The following WDR47 variants were observed in gnomAD, a reference collection of about 807,000 sequenced individuals.
WDR47 encodes the protein WD repeat-containing protein 47.
A neutral mutation model predicts 97.2 loss-of-function variants in WDR47; 32 were observed. That is an observed-to-expected ratio of 0.33 (90% confidence interval 0.25 to 0.44). WDR47 has a LOEUF of 0.44. WDR47 is among the 20% of genes least tolerant of loss of function. The pLI is 1.00. For missense variants in WDR47, 782 were observed against 1,102.3 expected (o/e 0.71, Z 4.11); for synonymous variants, 375 against 373.5 (o/e 1.00, Z -0.05).
chr1:108,994,805 A>G (rs1459717834), intron 8 of WDR47, among the ~76,000 whole-genome samples: 1 of 152,228 alleles, frequency 6.6e-6, no homozygotes, highest in East Asian at 1.9e-4. Context: ...TGAAAGCTGT[A>G]ATAAAAAAGC....
At chr1:109,016,458 A>G (rs1043259117) in intron 3 of WDR47, among the ~76,000 whole-genome samples, 1 of 152,304 alleles carries the variant, frequency 6.6e-6, no homozygotes, top group South Asian at 2.1e-4. Context: ...GATCCAAAAA[A>G]AGGACGACGT....
At chr1:109,020,311 A>G (rs1661740161) in intron 2 of WDR47, among the ~76,000 whole-genome samples, 1 of 149,966 alleles carries the variant, frequency 6.7e-6, no homozygotes, top group East Asian at 2.0e-4. Flanking sequence ...ATCTCAGCTC[A>G]CTGCAAGCTC....
chr1:108,983,301 T>C lies in WDR47; in HGVS notation c.2076A>G (p.Ala692=), dbSNP rs765123779. ...CCCTACCTGTTGCGTTACAAGTCTC[T>C]GCATTGAAGGGCAGCACTTTGACGT... is the stretch of plus-strand genomic sequence containing the variant. ...DKYVKVLPFN[A]ETCNATGPDL... is the part of the protein sequence containing the mutation. Residue 692 remains alanine (A), a synonymous_variant, in exon 11 of 15, where the codon GCA becomes GCG. Transcript: ENST00000369962. 2 of 1,610,398 alleles carry C rather than the reference T, an allele frequency of 1.2e-6. No homozygotes were observed. The highest frequency in any genetic ancestry group is 1.7e-5 in the Admixed American group (1 of 59,426).
intron 1 of WDR47, among the ~76,000 whole-genome samples, chr1:109,035,307 T>G (rs1662866722): frequency 6.6e-6 from 1 of 150,576 alleles, no homozygotes; most frequent in African/African-American, 2.4e-5. Context: ...TGCCAAACTG[T>G]TCAGTGTGAT....
At chr1:108,996,836 G>A (rs1659784657) in intron 7 of WDR47, among the ~76,000 whole-genome samples, 1 of 152,164 alleles carries the variant, frequency 6.6e-6, no homozygotes, top group Admixed American at 6.5e-5. Flanking sequence ...TAGACTCATG[G>A]GCCAGGTGCG....
chr1:109,024,298 T>G (rs1662053472), intron 1 of WDR47, among the ~76,000 whole-genome samples: 1 of 151,774 alleles, frequency 6.6e-6, no homozygotes, highest in Non-Finnish European at 1.5e-5. Context: ...CAAAAAAAAT[T>G]AAAAAATTAG....
At chr1:108,987,043 T>A in intron 9 of WDR47, 1 of 196,268 alleles carries the variant, frequency 5.1e-6, no homozygotes, top group Admixed American at 5.7e-5. Context: ...TTTGAATCCT[T>A]TTAATAATGC....
At chr1:108,974,097 G>T (rs551065) in intron 14 of WDR47, among the ~76,000 whole-genome samples, 33,933 of 151,846 alleles carry the variant, frequency 0.22, 4,035 homozygotes, top group Admixed American at 0.3. Flanking sequence ...GCAGGGCTGA[G>T]GTGGGAGGAT....
intron 4 of WDR47, among the ~76,000 whole-genome samples, chr1:109,013,307 CT>C (rs935058583): frequency 6.6e-6 from 1 of 152,146 alleles, no homozygotes; most frequent in Non-Finnish European, 1.5e-5. Flanking sequence ...GACTAAGACA[CT>C]TTACTTCAGT....
chr1:108,988,835 G>A (rs1021769658), intron 9 of WDR47, among the ~76,000 whole-genome samples: 10 of 151,506 alleles, frequency 6.6e-5, no homozygotes, highest in African/African-American at 2.2e-4. Flanking sequence ...TTGATTCACC[G>A]CAACCTCTGC....
chr1:109,041,295 T>C (rs1663346841), intron 1 of WDR47, among the ~76,000 whole-genome samples: 1 of 152,144 alleles, frequency 6.6e-6, no homozygotes, highest in African/African-American at 2.4e-5. Context: ...CGCTGCCCCT[T>C]TCCGCGACCA....
At chr1:108,988,253 G>C (rs1443034398) in intron 9 of WDR47, among the ~76,000 whole-genome samples, 1 of 147,442 alleles carries the variant, frequency 6.8e-6, no homozygotes. Flanking sequence ...GCACCAAGAA[G>C]GAAGGAAAGA....
intron 5 of WDR47, among the ~76,000 whole-genome samples, chr1:109,010,232 AC>A (rs1169057288): frequency 1.3e-5 from 2 of 152,130 alleles, no homozygotes; most frequent in Non-Finnish European, 2.9e-5. Flanking sequence ...TTAACGACTA[AC>A]TTTCAACTAA....
In WDR47 at chr1:108,971,416, A is replaced by G. The variant is rs1283179612; in HGVS notation, c.*14T>C. ...CTCTGTGCTTTTGCTGCATAGACTG[A>G]CATGCGGTGTGCTCTACCCATTGTA... On this transcript the variant is annotated 3_prime_UTR_variant, in exon 15 of 15. Coordinates refer to ENST00000369962, the MANE Select transcript of WDR47 (RefSeq NM_001142551.2). The G allele has an allele frequency of 1.2e-6, 2 of 1,613,974 alleles. No homozygotes were observed. Among genetic ancestry groups the G allele is most frequent in the Non-Finnish European group, 8.5e-7 (1 of 1,179,936 alleles).
At chr1:109,021,266 G>A (rs971989021) in intron 2 of WDR47, among the ~76,000 whole-genome samples, 1 of 152,116 alleles carries the variant, frequency 6.6e-6, no homozygotes, top group Non-Finnish European at 1.5e-5. Flanking sequence ...AGTGGCTCAT[G>A]TCTGTAATCC....
chr1:108,999,023 C>T (rs1424854426), intron 7 of WDR47, among the ~76,000 whole-genome samples: 2 of 151,786 alleles, frequency 1.3e-5, no homozygotes, highest in Admixed American at 6.6e-5. Context: ...GTCAGGAGTT[C>T]GAGACCAGCC....
At chr1:109,019,895 G>C (rs763346345) in intron 2 of WDR47, among the ~76,000 whole-genome samples, 1 of 152,114 alleles carries the variant, frequency 6.6e-6, no homozygotes, top group South Asian at 2.1e-4. Flanking sequence ...TTTTAAATGG[G>C]AAGGATGGGC....
At chr1:109,004,902 T>C (rs1311067019) in intron 5 of WDR47, among the ~76,000 whole-genome samples, 187 bp from the exon 6 acceptor site, 1 of 152,130 alleles carries the variant, frequency 6.6e-6, no homozygotes, top group African/African-American at 2.4e-5. Flanking sequence ...GCAATTCTCC[T>C]GCCTCAGCCT....
rs757854999 is a variant in WDR47 at position 109,004,588 on chromosome 1, T to C, written c.1254+4A>G. 3 of 1,609,848 alleles carry C rather than the reference T, an allele frequency of 1.9e-6. No homozygotes were observed. Among genetic ancestry groups the C allele is most frequent in the South Asian group, 2.2e-5 (2 of 89,952 alleles). ...TGAAAAACACTAGGTTTAGTAAATA[T>C]TACCTCATTTTTTTCTTGTTTAGCT... is the stretch of plus-strand genomic sequence containing the variant. On this transcript the variant is annotated splice_donor_region_variant and intron_variant, in intron 6 of 14. Transcript: ENST00000369962.
Sources: gnomAD v4.1 joint callset for allele counts (sites outside exome capture counted in the v4.1 genomes callset) on GRCh38, gnomAD v4.1.1 for gene constraint, MANE v1.5 for transcripts, NCBI Gene and HGNC (gene_info 2026-07-23, HGNC 2026-07-21) for gene names.